Variants in CLSTN2 observed in about 807,000 individuals in gnomAD.
CLSTN2 encodes the protein calsyntenin 2.
In CLSTN2, 48 loss-of-function variants were observed where a neutral mutation model predicts 101.2. The ratio of observed to expected loss-of-function variants is 0.47; its 90% CI spans 0.38 to 0.60. The LOEUF (loss-of-function observed/expected upper bound fraction) is 0.60. Among genes scored for constraint, CLSTN2 ranks in the 20% least tolerant of loss-of-function variants. The probability of loss-of-function intolerance (pLI) is 0.00; values close to 1 mark genes in which losing one functional copy is unlikely to be tolerated. For missense variants in CLSTN2, 1,160 were observed against 1,238.2 expected (o/e 0.94, Z 0.95); for synonymous variants, 481 against 463.6 (o/e 1.04, Z -0.48).
intron 2 of CLSTN2, among the ~76,000 whole-genome samples, chr3:140,399,824 C>A (rs551701015): frequency 5.3e-5 from 8 of 152,112 alleles, no homozygotes; most frequent in Non-Finnish European, 1.2e-4. Context: ...AGAAAGTGAG[C>A]ATAGTACCCA....
intron 2 of CLSTN2, among the ~76,000 whole-genome samples, chr3:140,235,589 G>A (rs2086409961): frequency 6.6e-6 from 1 of 152,216 alleles, no homozygotes; most frequent in South Asian, 2.1e-4. Context: ...GACTGATAGA[G>A]TCTGGTCTTC....
chr3:140,488,361 C>T (rs1382067686), intron 8 of CLSTN2, among the ~76,000 whole-genome samples: 4 of 152,076 alleles, frequency 2.6e-5, no homozygotes, highest in African/African-American at 4.8e-5. Flanking sequence ...ATCTGTGTGA[C>T]CTTAGGTGAG....
chr3:140,343,604 C>G (rs1405467906), intron 2 of CLSTN2, among the ~76,000 whole-genome samples: 1 of 152,128 alleles, frequency 6.6e-6, no homozygotes, highest in Non-Finnish European at 1.5e-5. Flanking sequence ...AGTGACTGGG[C>G]ATTTTATTGT....
chr3:140,464,038 G>A (rs973422964), intron 7 of CLSTN2, among the ~76,000 whole-genome samples: 1 of 152,200 alleles, frequency 6.6e-6, no homozygotes, highest in Non-Finnish European at 1.5e-5. Context: ...AAGATTTATA[G>A]CAGGGCCATC....
chr3:139,982,261 C>A (rs1245674403), intron 1 of CLSTN2, among the ~76,000 whole-genome samples: 17 of 151,938 alleles, frequency 1.1e-4, no homozygotes, highest in Non-Finnish European at 1.9e-4. Context: ...GCCAAATGAA[C>A]TTACCATCTG....
chr3:140,209,613 TC>T (rs2010830089), intron 2 of CLSTN2, among the ~76,000 whole-genome samples: 1 of 151,956 alleles, frequency 6.6e-6, no homozygotes, highest in African/African-American at 2.4e-5. Flanking sequence ...TTTTTAAGGC[TC>T]TGTTGAAGCC....
At chr3:139,976,666 A>G (rs981633948) in intron 1 of CLSTN2, among the ~76,000 whole-genome samples, 3 of 152,196 alleles carry the variant, frequency 2.0e-5, no homozygotes, top group Admixed American at 6.5e-5. Flanking sequence ...AGGAAAGAAC[A>G]GTGCCCACTG....
At chr3:140,271,047 G>A (rs1032602950) in intron 2 of CLSTN2, among the ~76,000 whole-genome samples, 5 of 152,154 alleles carry the variant, frequency 3.3e-5, no homozygotes, top group East Asian at 3.9e-4. Flanking sequence ...CTTTAGCGGC[G>A]TCTCTGGGTG....
rs1203609935 is a variant in CLSTN2, at chr3:140,564,069, A to G, written c.2591A>G (p.Gln864Arg). Residue 864 changes from glutamine to arginine, a missense_variant, in exon 16 of 17, where the codon CAG becomes CGG. Physicochemically the swap from Gln to Arg is conservative, Grantham distance 43. Transcript: ENST00000458420. ...CGGATCGCCCACCAGCACTTCATCCAGGAGACTGAGGCTGCCAAGGAATCT... is the reference window on the plus strand; with the variant it reads ...CGGATCGCCCACCAGCACTTCATCCGGGAGACTGAGGCTGCCAAGGAATCT... ...RVRIAHQHFIQETEAAKESEM... is the reference protein window; with the variant it reads ...RVRIAHQHFIRETEAAKESEM... 6.2e-7 allele frequency: 1 copy of G among 1,614,148 alleles called. No individual in the cohort carries two copies. The highest frequency in any genetic ancestry group is 1.3e-5 in the African/African-American group (1 of 75,038).
At chr3:140,175,396 T>G (rs1390513618) in intron 1 of CLSTN2, among the ~76,000 whole-genome samples, 1 of 152,172 alleles carries the variant, frequency 6.6e-6, no homozygotes, top group Non-Finnish European at 1.5e-5. Flanking sequence ...AAATATCTGT[T>G]TTATCTTTGC....
At chr3:140,533,371 T>C (rs956200901) in intron 9 of CLSTN2, among the ~76,000 whole-genome samples, 1 of 152,142 alleles carries the variant, frequency 6.6e-6, no homozygotes, top group African/African-American at 2.4e-5. Context: ...TTTGTGACTT[T>C]GACTCTTCAC....
intron 8 of CLSTN2, among the ~76,000 whole-genome samples, chr3:140,473,779 A>G (rs1209849236): frequency 6.6e-6 from 1 of 151,216 alleles, no homozygotes; most frequent in South Asian, 2.1e-4. Flanking sequence ...TTTTTTTGAG[A>G]CAGAGTCTTG....
At chr3:140,277,235 G>T (rs890164111) in intron 2 of CLSTN2, among the ~76,000 whole-genome samples, 1 of 152,190 alleles carries the variant, frequency 6.6e-6, no homozygotes, top group Non-Finnish European at 1.5e-5. Context: ...CCATTTCATT[G>T]TCTGTGGAAC....
intron 1 of CLSTN2, among the ~76,000 whole-genome samples, chr3:139,997,491 A>G (rs2006696494): frequency 6.6e-6 from 1 of 152,196 alleles, no homozygotes; most frequent in South Asian, 2.1e-4. Flanking sequence ...TGTTTCTTTT[A>G]TACATTAAAG....
intron 2 of CLSTN2, among the ~76,000 whole-genome samples, chr3:140,393,613 A>G (rs1220126897): frequency 6.6e-6 from 1 of 152,122 alleles, no homozygotes; most frequent in Non-Finnish European, 1.5e-5. Flanking sequence ...GACTTCTTTA[A>G]CTCTCCAAGG....
At chr3:140,400,872 C>T (rs75731701) in intron 2 of CLSTN2, among the ~76,000 whole-genome samples, 3,654 of 152,322 alleles carry the variant, frequency 0.024, 152 homozygotes, top group African/African-American at 0.083. Context: ...ATGTTCCTTT[C>T]TTCTGAAGGG....
At chr3:140,022,865 A>G (rs915384468) in intron 1 of CLSTN2, among the ~76,000 whole-genome samples, 32 of 152,322 alleles carry the variant, frequency 2.1e-4, no homozygotes, top group Admixed American at 9.1e-4. Flanking sequence ...TGTTCTGAAC[A>G]GGACATATGG....
chr3:140,504,365 C>CA lies in CLSTN2; in HGVS notation c.1345-27948dup, dbSNP rs1319651399. Reference sequence around the variant, plus strand: ...GATTCAAGGAATATTTTTCTCATGCCAAAAAAAAAAAGGTGGTGCTCCACT... The same window carrying CA: ...GATTCAAGGAATATTTTTCTCATGCCAAAAAAAAAAAAGGTGGTGCTCCACT... On this transcript the variant is annotated intron_variant, in intron 8 of 16. Transcript: ENST00000458420. 2.1e-3 allele frequency among the ~76,000 whole-genome samples: 291 copies of CA among 140,826 alleles called. 3 individuals carry two copies. The highest frequency in any genetic ancestry group is 0.013 in the Admixed American group (185 of 14,140). 92.4% of individuals were successfully genotyped at this position (140,826 alleles called of 152,430 possible). A position where few individuals can be genotyped will look rare whatever the true frequency, so the allele number is the denominator to read the frequency against.
intron 2 of CLSTN2, among the ~76,000 whole-genome samples, chr3:140,362,069 C>T (rs774093427): frequency 1.1e-4 from 16 of 152,100 alleles, no homozygotes; most frequent in Non-Finnish European, 2.1e-4. Context: ...TCAAAACTTG[C>T]TATAAATCGA....
Sources: gnomAD v4.1 joint callset for allele counts (sites outside exome capture counted in the v4.1 genomes callset) on GRCh38, gnomAD v4.1.1 for gene constraint, MANE v1.5 for transcripts, NCBI Gene and HGNC (gene_info 2026-07-23, HGNC 2026-07-21) for gene names.